NKAIN2: variants seen among roughly 807,000 people sequenced by gnomAD.
The protein encoded by NKAIN2 is sodium/potassium-transporting ATPase subunit beta-1-interacting protein 2.
NKAIN2 carries 14 observed loss-of-function variants against 32.6 expected under a neutral mutation model. The observed-to-expected ratio is 0.43, with a 90% confidence interval of 0.28 to 0.67. The LOEUF (loss-of-function observed/expected upper bound fraction) is 0.67. Among genes scored for constraint, NKAIN2 ranks in the 30% least tolerant of loss-of-function variants. NKAIN2 has a pLI of 0.17. For synonymous variants in NKAIN2, 80 were observed against 87.2 expected, an observed-to-expected ratio of 0.92 and a Z score of 0.46; for missense variants, 198 against 258.3, an observed-to-expected ratio of 0.77 and a Z score of 1.60.
At chr6:124,681,199 T>C (rs542003963) in intron 4 of NKAIN2, among the ~76,000 whole-genome samples, 59 of 152,166 alleles carry the variant, frequency 3.9e-4, no homozygotes, top group African/African-American at 1.4e-3. Flanking sequence ...GTTCACATAT[T>C]ATTTTATTAG....
At chr6:124,273,988 A>T (rs1462152723) in intron 1 of NKAIN2, among the ~76,000 whole-genome samples, 1 of 152,206 alleles carries the variant, frequency 6.6e-6, no homozygotes, top group East Asian at 1.9e-4. Context: ...GGCTCTGTGG[A>T]GAAATCAAAA....
At chr6:124,621,157 A>C (rs901989588) in intron 3 of NKAIN2, among the ~76,000 whole-genome samples, 1 of 152,156 alleles carries the variant, frequency 6.6e-6, no homozygotes, top group Non-Finnish European at 1.5e-5. Flanking sequence ...AGTTTAACAA[A>C]GCTGTTTAGG....
At chr6:124,231,534 A>G (rs1001245793) in intron 1 of NKAIN2, among the ~76,000 whole-genome samples, 8 of 152,124 alleles carry the variant, frequency 5.3e-5, no homozygotes, top group Non-Finnish European at 1.5e-5. Flanking sequence ...CCCACGTGTC[A>G]TGGGAGGGAC....
chr6:124,180,936 C>A lies in NKAIN2; in HGVS notation c.55-102069C>A, dbSNP rs1419964174. ...TTCACAGCTCCACTAGGCAGTGTCT[C>A]AGTGGGGACTCTGTGAGGGGGCTTT... On this transcript the variant is annotated intron_variant, in intron 1 of 6. Transcript: ENST00000368417. Among the ~76,000 whole-genome samples the A allele has an allele frequency of 3.9e-5, 6 of 152,162 alleles. No homozygotes were observed. In the East Asian group the frequency reaches 1.2e-3, roughly 29 times the overall value.
At chr6:123,986,602 T>A (rs953330933) in intron 1 of NKAIN2, among the ~76,000 whole-genome samples, 7 of 152,182 alleles carry the variant, frequency 4.6e-5, no homozygotes, top group Non-Finnish European at 7.3e-5. Context: ...GGAGATTTTT[T>A]AAAAAATTTA....
chr6:124,094,328 A>ATCTTAT (rs1784559164), intron 1 of NKAIN2, among the ~76,000 whole-genome samples: 1 of 152,078 alleles, frequency 6.6e-6, no homozygotes, highest in Non-Finnish European at 1.5e-5. Context: ...ATCTCCTTGA[A>ATCTTAT]ACCTCCCATA....
intron 3 of NKAIN2, among the ~76,000 whole-genome samples, chr6:124,481,925 T>C (rs1777468184): frequency 6.6e-6 from 1 of 152,132 alleles, no homozygotes; most frequent in African/African-American, 2.4e-5. Flanking sequence ...ATAAAGAGCC[T>C]TAGTGCATAA....
At chr6:124,593,684 T>A (rs1047725041) in intron 3 of NKAIN2, among the ~76,000 whole-genome samples, 1 of 152,200 alleles carries the variant, frequency 6.6e-6, no homozygotes, top group African/African-American at 2.4e-5. Context: ...CCAGAGAGAA[T>A]AATCAGATTT....
chr6:124,053,878 A>G (rs1782521066), intron 1 of NKAIN2, among the ~76,000 whole-genome samples: 1 of 152,066 alleles, frequency 6.6e-6, no homozygotes, highest in Non-Finnish European at 1.5e-5. Flanking sequence ...TGTTACCCAT[A>G]CAAATTTCAA....
intron 4 of NKAIN2, among the ~76,000 whole-genome samples, chr6:124,726,574 G>A (rs1468329939): frequency 6.7e-6 from 1 of 149,882 alleles, no homozygotes; most frequent in South Asian, 2.2e-4. Flanking sequence ...CATCATCAAA[G>A]ACCAAAAGTA....
intron 4 of NKAIN2, among the ~76,000 whole-genome samples, chr6:124,683,635 C>T (rs751200148): frequency 3.3e-5 from 5 of 152,116 alleles, no homozygotes; most frequent in South Asian, 2.1e-4. Context: ...GACCAGTGTG[C>T]GTGCTTGACT....
At chr6:124,451,497 G>T (rs909172940) in intron 3 of NKAIN2, among the ~76,000 whole-genome samples, 2 of 152,126 alleles carry the variant, frequency 1.3e-5, no homozygotes, top group Non-Finnish European at 2.9e-5. Flanking sequence ...CTGGAGTATT[G>T]TTTGCATTAC....
At chr6:124,694,414 T>C (rs772977122) in intron 4 of NKAIN2, among the ~76,000 whole-genome samples, 64 of 152,348 alleles carry the variant, frequency 4.2e-4, no homozygotes, top group Non-Finnish European at 5.0e-4. Context: ...TATTTACCAA[T>C]TGGAACCGGC....
intron 3 of NKAIN2, among the ~76,000 whole-genome samples, chr6:124,399,735 G>A (rs565046498): frequency 1.8e-4 from 27 of 152,240 alleles, no homozygotes; most frequent in Admixed American, 3.3e-4. Flanking sequence ...AAGAACAGCC[G>A]GCTTTGGCCA....
intron 1 of NKAIN2, among the ~76,000 whole-genome samples, chr6:124,122,799 A>G (rs1319076033): frequency 6.6e-6 from 1 of 152,142 alleles, no homozygotes; most frequent in Non-Finnish European, 1.5e-5. Context: ...AGAAGTTTCC[A>G]TAGCATGATG....
At chr6:124,415,709 C>T (rs1268225021) in intron 3 of NKAIN2, among the ~76,000 whole-genome samples, 2 of 152,068 alleles carry the variant, frequency 1.3e-5, no homozygotes, top group African/African-American at 4.8e-5. Context: ...TAGGAGGTGT[C>T]AACCATCAGT....
chr6:124,778,984 T>A (rs1779113455), intron 4 of NKAIN2, among the ~76,000 whole-genome samples: 1 of 152,068 alleles, frequency 6.6e-6, no homozygotes, highest in Non-Finnish European at 1.5e-5. Flanking sequence ...ATGATTTTTT[T>A]ATCTTCATCT....
intron 1 of NKAIN2, among the ~76,000 whole-genome samples, chr6:123,857,555 A>G (rs188573684): frequency 3.3e-5 from 5 of 152,356 alleles, no homozygotes; most frequent in Admixed American, 2.6e-4. Context: ...AGAAAAAATT[A>G]TGTAAAACCA....
At chr6:123,985,348 C>T (rs561405219) in intron 1 of NKAIN2, among the ~76,000 whole-genome samples, 1 of 152,134 alleles carries the variant, frequency 6.6e-6, no homozygotes, top group South Asian at 2.1e-4. Context: ...TGCAGTGAGC[C>T]AAGATCACAC....
Sources: gnomAD v4.1 joint callset for allele counts (sites outside exome capture counted in the v4.1 genomes callset) on GRCh38, gnomAD v4.1.1 for gene constraint, MANE v1.5 for transcripts, NCBI Gene and HGNC (gene_info 2026-07-23, HGNC 2026-07-21) for gene names.